GALNT13: variants seen among roughly 807,000 people sequenced by gnomAD.
GALNT13 encodes the protein UDP-GalNAc:polypeptide N-acetylgalactosaminyltransferase 13.
Under a neutral mutation model 64.2 loss-of-function variants are expected in GALNT13, and 28 were observed. The observed-to-expected ratio is 0.44, with a 90% CI of 0.32 to 0.60. GALNT13 has a LOEUF of 0.60. Among genes scored for constraint, GALNT13 ranks in the 20% least tolerant of loss-of-function variants. The probability of loss-of-function intolerance (pLI) is 0.05; values close to 1 mark genes in which losing one functional copy is unlikely to be tolerated. For missense variants in GALNT13, 577 were observed against 669.8 expected (o/e 0.86, Z 1.53); for synonymous variants, 214 against 224.6 (o/e 0.95, Z 0.42).
the GALNT13 span, among the ~76,000 whole-genome samples, chr2:153,216,275 A>G: frequency 1.2e-3 from 190 of 152,186 alleles, no homozygotes; most frequent in African/African-American, 4.1e-3. Context: ...AAACATTTCT[A>G]TACAGGTTTT....
At chr2:153,451,915 C>T in the GALNT13 span, among the ~76,000 whole-genome samples, 1 of 152,130 alleles carries the variant, frequency 6.6e-6, no homozygotes, top group Non-Finnish European at 1.5e-5. Context: ...GATTCATTTA[C>T]CTTCAAGGCT....
chr2:153,711,991 C>T, the GALNT13 span, among the ~76,000 whole-genome samples: 5 of 152,122 alleles, frequency 3.3e-5, no homozygotes, highest in Non-Finnish European at 7.4e-5. Flanking sequence ...CGCTACTTCT[C>T]CAAATGTTAG....
the GALNT13 span, among the ~76,000 whole-genome samples, chr2:153,141,669 G>T: frequency 6.6e-6 from 1 of 151,996 alleles, no homozygotes; most frequent in Admixed American, 6.6e-5. Context: ...GTCTCTTGCT[G>T]TTTGGTAGGT....
intron 12 of GALNT13, chr2:154,446,389 T>G: frequency 2.2e-6 from 1 of 457,338 alleles, no homozygotes; most frequent in Non-Finnish European, 3.8e-6. Flanking sequence ...ACTCCTTCCT[T>G]ATAGGGTTGA....
intron 10 of GALNT13, among the ~76,000 whole-genome samples, chr2:154,406,728 A>G (rs1399931987): frequency 6.6e-6 from 1 of 152,050 alleles, no homozygotes; most frequent in African/African-American, 2.4e-5. Flanking sequence ...ACATATTACA[A>G]ATCTATTTAT....
chr2:153,898,321 C>T (rs1337193167), intron 1 of GALNT13, among the ~76,000 whole-genome samples: 1 of 152,092 alleles, frequency 6.6e-6, no homozygotes, highest in Non-Finnish European at 1.5e-5. Flanking sequence ...CTCCTACTAC[C>T]TGAGTTCCTC....
chr2:153,717,990 G>A, the GALNT13 span, among the ~76,000 whole-genome samples: 1 of 151,820 alleles, frequency 6.6e-6, no homozygotes, highest in African/African-American at 2.4e-5. Flanking sequence ...GCCACAGGAT[G>A]TCTGCAAACC....
chr2:153,132,448 G>C, the GALNT13 span, among the ~76,000 whole-genome samples: 1 of 152,242 alleles, frequency 6.6e-6, no homozygotes, highest in African/African-American at 2.4e-5. Context: ...TGCAGAAAAA[G>C]TAATAGAGAC....
At chr2:154,061,311 C>T (rs1235941059) in intron 3 of GALNT13, among the ~76,000 whole-genome samples, 1 of 152,032 alleles carries the variant, frequency 6.6e-6, no homozygotes, top group Non-Finnish European at 1.5e-5. Context: ...GCTGTAAATA[C>T]CAAGTCTAGT....
chr2:153,749,063 T>C, the GALNT13 span, among the ~76,000 whole-genome samples: 1 of 152,012 alleles, frequency 6.6e-6, no homozygotes, highest in Non-Finnish European at 1.5e-5. Context: ...CCAGTTTTTA[T>C]AGCATTATTT....
chr2:153,234,076 A>T, the GALNT13 span, among the ~76,000 whole-genome samples: 3 of 152,212 alleles, frequency 2.0e-5, no homozygotes, highest in African/African-American at 4.8e-5. Flanking sequence ...AAACACTTTT[A>T]AAAAGGGTTT....
intron 7 of GALNT13, among the ~76,000 whole-genome samples, chr2:154,249,295 A>C (rs973546930): frequency 1.3e-5 from 2 of 152,232 alleles, no homozygotes; most frequent in Non-Finnish European, 1.5e-5. Context: ...AGCATGGATA[A>C]GGCTACCTAT....
At chr2:153,438,096 G>T in the GALNT13 span, among the ~76,000 whole-genome samples, 1 of 152,124 alleles carries the variant, frequency 6.6e-6, no homozygotes, top group African/African-American at 2.4e-5. Flanking sequence ...GCTTAGTTTG[G>T]CTGGATATGA....
chr2:154,216,592 C>T (rs1402892478), intron 4 of GALNT13, among the ~76,000 whole-genome samples: 1 of 151,984 alleles, frequency 6.6e-6, no homozygotes, highest in Non-Finnish European at 1.5e-5. Flanking sequence ...GAGATTAAAT[C>T]AAGATGGTCT....
chr2:153,769,736 C>T, the GALNT13 span, among the ~76,000 whole-genome samples: 1 of 152,100 alleles, frequency 6.6e-6, no homozygotes, highest in Non-Finnish European at 1.5e-5. Flanking sequence ...TAAGTTTGAA[C>T]ACTTTACACA....
intron 8 of GALNT13, among the ~76,000 whole-genome samples, chr2:154,277,634 G>A (rs1017388339): frequency 6.6e-6 from 1 of 152,096 alleles, no homozygotes; most frequent in African/African-American, 2.4e-5. Context: ...AGATAATGTT[G>A]AGGGGAGAAT....
At chr2:153,223,059 C>T in the GALNT13 span, among the ~76,000 whole-genome samples, 1 of 152,238 alleles carries the variant, frequency 6.6e-6, no homozygotes, top group South Asian at 2.1e-4. Context: ...GCTCTGGCCT[C>T]TCCAGATGGG....
chr2:153,674,179 T>C, the GALNT13 span, among the ~76,000 whole-genome samples: 1 of 152,160 alleles, frequency 6.6e-6, no homozygotes, highest in Non-Finnish European at 1.5e-5. Context: ...ACTGACTTTC[T>C]TCACAGAATT....
chr2:154,370,765 T>TA (rs1426267844), intron 9 of GALNT13, among the ~76,000 whole-genome samples: 1 of 152,098 alleles, frequency 6.6e-6, no homozygotes, highest in Admixed American at 6.6e-5. Context: ...AGTGTTAACT[T>TA]AAGAGTTATA....
Sources: gnomAD v4.1 joint callset for allele counts (sites outside exome capture counted in the v4.1 genomes callset) on GRCh38, gnomAD v4.1.1 for gene constraint, MANE v1.5 for transcripts, NCBI Gene and HGNC (gene_info 2026-07-23, HGNC 2026-07-21) for gene names.